The following SLA variants were observed in gnomAD, a reference collection of about 807,000 sequenced individuals.
SLA encodes the protein src-like-adapter.
In SLA, 16 loss-of-function variants were observed where a neutral mutation model predicts 30.3. That is an observed-to-expected ratio of 0.53 (90% confidence interval 0.36 to 0.80). The LOEUF (loss-of-function observed/expected upper bound fraction) is 0.80, where lower values mean the gene tolerates loss of function less well. SLA is among the 30% of genes least tolerant of loss of function. The probability of loss-of-function intolerance (pLI) is 0.01; values close to 1 mark genes in which losing one functional copy is unlikely to be tolerated. For missense variants in SLA, 310 were observed against 345.2 expected, an observed-to-expected ratio of 0.90 and a Z score of 0.81; for synonymous variants, 143 against 137.8, an observed-to-expected ratio of 1.04 and a Z score of -0.26.
At chr8:133,057,559 G>A (rs1044029727) in intron 3 of SLA, among the ~76,000 whole-genome samples, 1 of 152,084 alleles carries the variant, frequency 6.6e-6, no homozygotes, top group Non-Finnish European at 1.5e-5. Context: ...TGTGAGGAGG[G>A]ACTTGTTCCA....
chr8:133,102,439 G>A (rs978524546), intron 1 of SLA, 114 bp downstream of exon 1: 26 of 900,034 alleles, frequency 2.9e-5, no homozygotes, highest in Non-Finnish European at 4.2e-5. Flanking sequence ...GACCAAAGAC[G>A]GAGGGTGGGT....
chr8:133,091,430 G>A (rs1847504756), intron 1 of SLA, among the ~76,000 whole-genome samples: 1 of 152,202 alleles, frequency 6.6e-6, no homozygotes, highest in Admixed American at 6.5e-5. Context: ...GGGCAGAGCT[G>A]CCAGACCTCC....
chr8:133,086,345 G>C (rs1846558618), intron 1 of SLA, among the ~76,000 whole-genome samples: 1 of 152,104 alleles, frequency 6.6e-6, no homozygotes, highest in African/African-American at 2.4e-5. Flanking sequence ...TGAATTCTGT[G>C]GTATGTGAAT....
intron 1 of SLA, among the ~76,000 whole-genome samples, chr8:133,096,581 C>T (rs994067846): frequency 6.6e-6 from 1 of 152,194 alleles, no homozygotes; most frequent in African/African-American, 2.4e-5. Context: ...CCACAAATTA[C>T]AGCTGTGAAT....
At chr8:133,085,354 G>A (rs909581952) in intron 1 of SLA, among the ~76,000 whole-genome samples, 1 of 152,004 alleles carries the variant, frequency 6.6e-6, no homozygotes, top group African/African-American at 2.4e-5. Context: ...TAGATACATC[G>A]GATTTCATCA....
intron 3 of SLA, among the ~76,000 whole-genome samples, chr8:133,051,784 G>T (rs866316715): frequency 1.4e-4 from 22 of 152,158 alleles, no homozygotes; most frequent in African/African-American, 5.1e-4. Context: ...ATTTTTGGGG[G>T]AAATAACAAG....
chr8:133,039,847 G>C lies in SLA; in HGVS notation c.617+151C>G, dbSNP rs184101208. ...ATTCCCTTGGTCTACACTTGTGGGG[G>C]GTGCTCACCCCCCAGTTTCAGCAGG... On this transcript the variant is annotated intron_variant, in intron 8 of 8. Transcript: ENST00000338087. 2.2e-6 allele frequency: 3 copies of C among 1,361,110 alleles called. No individual in the cohort carries two copies. In the African/African-American group the frequency reaches 4.4e-5, roughly 20 times the overall value. The allele number at this position is 1,361,110 out of a possible 1,614,324, so 84.3% of individuals were successfully genotyped here.
chr8:133,065,768 TAATAA>T (rs60174705), intron 2 of SLA, among the ~76,000 whole-genome samples: 20 of 150,808 alleles, frequency 1.3e-4, no homozygotes, highest in South Asian at 6.3e-4. Context: ...GTCTCAAAAA[TAATAA>T]AATAAAATAA....
chr8:133,045,584 G>A (rs566536795), intron 6 of SLA, among the ~76,000 whole-genome samples: 1 of 151,910 alleles, frequency 6.6e-6, no homozygotes, highest in South Asian at 2.1e-4. Context: ...TTGTAGAGGT[G>A]CAGTGTTGCT....
chr8:133,060,015 G>A (rs1842133443), intron 3 of SLA, 85 bp downstream of exon 3: 2 of 1,403,176 alleles, frequency 1.4e-6, no homozygotes, highest in Non-Finnish European at 1.9e-6. Context: ...CATTTAAGTA[G>A]TTACCGGCAT....
intron 2 of SLA, among the ~76,000 whole-genome samples, chr8:133,064,438 C>G (rs1360114563): frequency 6.6e-6 from 1 of 152,196 alleles, no homozygotes; most frequent in Non-Finnish European, 1.5e-5. Flanking sequence ...TACAAGCATT[C>G]CCAAGGGCAG....
intron 7 of SLA, among the ~76,000 whole-genome samples, chr8:133,043,616 G>C (rs1017873336): frequency 3.3e-5 from 5 of 152,148 alleles, no homozygotes; most frequent in African/African-American, 1.2e-4. Flanking sequence ...AGTTCTGAGG[G>C]GTAGCTGACC....
At chr8:133,080,767 T>C (rs1845622941) in intron 1 of SLA, among the ~76,000 whole-genome samples, 7 of 152,174 alleles carry the variant, frequency 4.6e-5, no homozygotes, top group Admixed American at 4.6e-4. Context: ...CCCTCACCTC[T>C]TCCTCATGCA....
intron 8 of SLA, among the ~76,000 whole-genome samples, chr8:133,039,126 A>C (rs1017928542): frequency 6.6e-6 from 1 of 152,114 alleles, no homozygotes; most frequent in Non-Finnish European, 1.5e-5. Flanking sequence ...TGATCTGCCC[A>C]CCTCAGCCTC....
At chr8:133,082,794 A>G (rs1845952937) in intron 1 of SLA, among the ~76,000 whole-genome samples, 1 of 152,116 alleles carries the variant, frequency 6.6e-6, no homozygotes, top group East Asian at 1.9e-4. Context: ...TTCTCATTCT[A>G]TGATGCCTTA....
In SLA at chr8:133,043,350, A is replaced by G. The variant is rs1838687152; in HGVS notation, c.484+1634T>C. Among the ~76,000 whole-genome samples, 5 of 152,294 alleles carry G rather than the reference A, an allele frequency of 3.3e-5. No homozygotes were observed. In the South Asian group the frequency reaches 1.0e-3, roughly 32 times the overall value. ...ACTTATGGTCTCCACACCCCCTCCGATGGTTGTTATTAAAAGCCAAATACC... is the reference window on the plus strand; with the variant it reads ...ACTTATGGTCTCCACACCCCCTCCGGTGGTTGTTATTAAAAGCCAAATACC... On this transcript the variant is annotated intron_variant, in intron 7 of 8. Coordinates refer to ENST00000338087, the MANE Select transcript of SLA (RefSeq NM_001045556.3).
At chr8:133,073,952 C>T (rs1264610396) in intron 2 of SLA, among the ~76,000 whole-genome samples, 1 of 152,088 alleles carries the variant, frequency 6.6e-6, no homozygotes, top group Admixed American at 6.5e-5. Context: ...ATGCATTGCT[C>T]CTCCCCAGCC....
intron 1 of SLA, among the ~76,000 whole-genome samples, chr8:133,085,247 A>T (rs1245521737): frequency 4.6e-5 from 7 of 152,212 alleles, no homozygotes; most frequent in Non-Finnish European, 4.4e-5. Context: ...AGATTGTAAA[A>T]TATCTATCTA....
Position 133,037,934 on chromosome 8 carries a change from A to C in SLA, c.*590T>G, listed in dbSNP as rs935015127. 2.6e-5 allele frequency: 4 copies of C among 153,252 alleles called. No individual in the cohort carries two copies. Among genetic ancestry groups the C allele is most frequent in the Non-Finnish European group, 5.8e-5 (4 of 68,876 alleles). The allele number at this position is 153,252 out of a possible 1,614,324, so 9.5% of individuals were successfully genotyped here. On this transcript the variant is annotated 3_prime_UTR_variant, in exon 9 of 9. Transcript: ENST00000338087. Reference sequence around the variant, plus strand: ...TGGCTTTGGTGCAGGAGCAGACCAAAGGTATCTCCCAATTGAAGGCTAAGA... The same window carrying C: ...TGGCTTTGGTGCAGGAGCAGACCAACGGTATCTCCCAATTGAAGGCTAAGA...
Sources: gnomAD v4.1 joint callset for allele counts (sites outside exome capture counted in the v4.1 genomes callset) on GRCh38, gnomAD v4.1.1 for gene constraint, MANE v1.5 for transcripts, NCBI Gene and HGNC (gene_info 2026-07-23, HGNC 2026-07-21) for gene names.